ERO1A: variants seen among roughly 807,000 people sequenced by gnomAD.
ERO1A encodes the protein ERO1-like protein alpha.
A neutral mutation model predicts 76.9 loss-of-function variants in ERO1A; 49 were observed. The observed-to-expected ratio is 0.64, with a 90% confidence interval of 0.51 to 0.81. ERO1A has a LOEUF of 0.81. Ranked by LOEUF, ERO1A falls within the 30% of genes least tolerant of loss-of-function variation. The pLI, the probability that ERO1A is intolerant of heterozygous loss-of-function variation, is 0.00. For missense variants in ERO1A, 448 were observed against 542.1 expected (o/e 0.83, Z 1.72); for synonymous variants, 174 against 181.2 (o/e 0.96, Z 0.32).
intron 1 of ERO1A, among the ~76,000 whole-genome samples, chr14:52,690,298 T>C (rs997489788): frequency 2.6e-5 from 4 of 152,006 alleles, no homozygotes; most frequent in African/African-American, 4.8e-5. Flanking sequence ...AATGTTTCTA[T>C]GTAACAAAGA....
chr14:52,651,820 T>C (rs2039877668), intron 13 of ERO1A, among the ~76,000 whole-genome samples: 1 of 152,140 alleles, frequency 6.6e-6, no homozygotes, highest in African/African-American at 2.4e-5. Flanking sequence ...ATCTACACTT[T>C]TGGCAATTTT....
Position 52,643,042 on chromosome 14 carries a change from TA to T in ERO1A, c.*527del, listed in dbSNP as rs2039527879. 6.6e-6 allele frequency: 1 copy of T among 152,326 alleles called. No individual in the cohort carries two copies. The highest frequency in any genetic ancestry group is 2.1e-4 in the South Asian group (1 of 4,834). 9.4% of individuals were successfully genotyped at this position (152,326 alleles called of 1,614,324 possible). On this transcript the variant is annotated 3_prime_UTR_variant, in exon 16 of 16. Transcript: ENST00000395686. ...TTTTTTAGTATAAGTATTTTCCAAA[TA>T]TTCCATGTAAAATATTAAAAAACTA...
intron 11 of ERO1A, among the ~76,000 whole-genome samples, 176 bp from the exon 12 acceptor site, chr14:52,653,491 T>A (rs923259800): frequency 6.6e-6 from 1 of 152,000 alleles, no homozygotes; most frequent in African/African-American, 2.4e-5. Context: ...ATTAATATTT[T>A]ATTTTCTAGA....
At chr14:52,669,019 A>G (rs2040509637) in intron 6 of ERO1A, among the ~76,000 whole-genome samples, 1 of 152,122 alleles carries the variant, frequency 6.6e-6, no homozygotes, top group Non-Finnish European at 1.5e-5. Context: ...AGCAGAAAAC[A>G]TGCGTTCTGC....
At chr14:52,664,000 G>C (rs560932875) in intron 7 of ERO1A, 153 bp from the exon 8 acceptor site, 2 of 490,670 alleles carry the variant, frequency 4.1e-6, no homozygotes, top group Non-Finnish European at 7.4e-6. Flanking sequence ...TGCTTTAAGG[G>C]AGGGTGGCTA....
chr14:52,643,900 G>A (rs973110758), intron 15 of ERO1A, among the ~76,000 whole-genome samples: 7 of 152,000 alleles, frequency 4.6e-5, no homozygotes, highest in Admixed American at 4.6e-4. Flanking sequence ...TATTTTTTGA[G>A]GCCAAGACGG....
rs75838670 is a variant in ERO1A at position 52,678,171 on chromosome 14, C to T, written c.357+263G>A. 1,027 of 259,654 alleles carry T rather than the reference C, an allele frequency of 4.0e-3. 20 individuals are homozygous for T. The highest frequency in any genetic ancestry group is 0.035 in the Admixed American group (680 of 19,468). 16.1% of individuals were successfully genotyped at this position (259,654 alleles called of 1,614,324 possible). On this transcript the variant is annotated intron_variant, in intron 4 of 15. Coordinates refer to ENST00000395686, the MANE Select transcript of ERO1A (RefSeq NM_014584.3). ...ATCCCAGCTACTCTGGAGGCTGAGA[C>T]AAGAATCGCTTGAACCGGGGAGGCG... is the stretch of plus-strand genomic sequence containing the variant.
chr14:52,677,755 C>T (rs1245961435), intron 4 of ERO1A, among the ~76,000 whole-genome samples: 2 of 149,956 alleles, frequency 1.3e-5, no homozygotes, highest in Non-Finnish European at 3.0e-5. Context: ...CTCAGCTACT[C>T]GGAAAGCTGA....
At chr14:52,690,955 T>G (rs2041334191) in intron 1 of ERO1A, among the ~76,000 whole-genome samples, 1 of 151,986 alleles carries the variant, frequency 6.6e-6, no homozygotes, top group Non-Finnish European at 1.5e-5. Context: ...TTAGTAGAGA[T>G]GGGGTTTCTT....
chr14:52,674,475 A>G (rs2040715742), intron 4 of ERO1A, among the ~76,000 whole-genome samples: 2 of 152,226 alleles, frequency 1.3e-5, no homozygotes, highest in Non-Finnish European at 2.9e-5. Flanking sequence ...CTGGGATTAC[A>G]CAGGCATGAG....
chr14:52,683,788 C>T lies in ERO1A; in HGVS notation c.234G>A (p.Lys78=). 1 of 1,358,174 alleles carries T rather than the reference C, an allele frequency of 7.4e-7. No homozygotes were observed. Among genetic ancestry groups the T allele is most frequent in the Non-Finnish European group, 1.0e-6 (1 of 1,001,080 alleles). The allele number at this position is 1,358,174 out of a possible 1,614,324, so 84.1% of individuals were successfully genotyped here. A position where few individuals can be genotyped will look rare whatever the true frequency, so the allele number is the denominator to read the frequency against. ...LLESDYFRYY[K]VNLKRPCPFW... is the part of the protein sequence containing the mutation. ...TATAAAAAATTAAAATTAAAAATAC[C>T]TTGTAATACCTAAAGTAGTCACTTT... is the stretch of plus-strand genomic sequence containing the variant. The change falls in exon 2 of 16, where the codon AAG becomes AAA. Residue 78 remains lysine (K), a splice_region_variant and synonymous_variant. Transcript: ENST00000395686.
chr14:52,673,163 C>T (rs1034842306), intron 4 of ERO1A, among the ~76,000 whole-genome samples: 1 of 152,014 alleles, frequency 6.6e-6, no homozygotes, highest in Non-Finnish European at 1.5e-5. Flanking sequence ...GACCACAGCT[C>T]ACTCCAGCCT....
intron 13 of ERO1A, among the ~76,000 whole-genome samples, chr14:52,648,587 G>A (rs140710562): frequency 3.3e-5 from 5 of 152,190 alleles, no homozygotes; most frequent in African/African-American, 1.2e-4. Context: ...AATGCATGGT[G>A]GCTTTTTGGC....
intron 13 of ERO1A, among the ~76,000 whole-genome samples, chr14:52,649,819 A>G (rs763042643): frequency 5.3e-5 from 8 of 152,202 alleles, no homozygotes; most frequent in South Asian, 2.1e-4. Flanking sequence ...GAAGTCAAGA[A>G]TAAGTATTAT....
chr14:52,658,030 A>C (rs1289032274), intron 10 of ERO1A, 21 bp from the exon 11 acceptor site: 5 of 1,565,538 alleles, frequency 3.2e-6, no homozygotes, highest in Admixed American at 1.8e-5. Flanking sequence ...GCAGTGACTT[A>C]GAAATAAAAT....
chr14:52,647,213 G>T (rs1250058891), intron 13 of ERO1A: 1 of 125,268 alleles, frequency 8.0e-6, no homozygotes, highest in African/African-American at 3.1e-5. Flanking sequence ...TGTTAGCCAG[G>T]ATGGTCTCGA....
intron 1 of ERO1A, among the ~76,000 whole-genome samples, chr14:52,685,104 C>T (rs1441489946): frequency 2.0e-5 from 3 of 152,034 alleles, no homozygotes; most frequent in Admixed American, 6.5e-5. Context: ...ATCAATAATA[C>T]TCTATTGAAA....
chr14:52,695,434 CCACA>C lies in ERO1A; in HGVS notation c.44_47del (p.Val15GlyfsTer64). The C allele has an allele frequency of 6.4e-7, 1 of 1,552,948 alleles. No individual in the cohort carries two copies. Among genetic ancestry groups the C allele is most frequent in the Non-Finnish European group, 8.7e-7 (1 of 1,149,700 alleles). On this transcript the variant is annotated frameshift_variant, in exon 1 of 16. Coordinates refer to ENST00000395686, the MANE Select transcript of ERO1A (RefSeq NM_014584.3). LOFTEE classifies it high-confidence loss of function. ...CCTCTCCGTGGCCCGAGCTGAGCAG[CCACA>C]CGGCGCCCAGGAGGCCAAACAAGAA... is the stretch of plus-strand genomic sequence containing the variant.
intron 9 of ERO1A, among the ~76,000 whole-genome samples, chr14:52,660,988 G>A (rs564051116): frequency 2.0e-5 from 3 of 152,292 alleles, no homozygotes; most frequent in Admixed American, 1.3e-4. Flanking sequence ...CAGTAAAAGA[G>A]AGAGGACATT....
Sources: allele counts gnomAD v4.1 joint callset (sites outside exome capture counted in the v4.1 genomes callset), GRCh38; gene constraint gnomAD v4.1.1; transcripts MANE v1.5; gene names NCBI Gene and HGNC (gene_info 2026-07-23, HGNC 2026-07-21).